The following CACNA1A variants were observed in gnomAD, a reference collection of about 807,000 sequenced individuals.
The protein encoded by CACNA1A is calcium voltage-gated channel subunit alpha1 A.
In CACNA1A, 57 loss-of-function variants were observed where a neutral mutation model predicts 262.4. The observed-to-expected ratio is 0.22, with a 90% confidence interval of 0.18 to 0.27. The LOEUF is 0.27. Ranked by LOEUF, CACNA1A falls within the 10% of genes least tolerant of loss-of-function variation. The probability of loss-of-function intolerance (pLI) is 1.00; values close to 1 mark genes in which losing one functional copy is unlikely to be tolerated. For synonymous variants in CACNA1A, 1,431 were observed against 1,419.3 expected, an observed-to-expected ratio of 1.01 and a Z score of -0.18; for missense variants, 2,526 against 3,562.8, an observed-to-expected ratio of 0.71 and a Z score of 7.41.
chr19:13,235,694 G>A lies in CACNA1A; in HGVS notation c.4987C>T (p.Arg1663Ter), dbSNP rs1555738369. ...AGAAGTTTGATGAGCCGGGCAGCTC[G>A]GAAGAGGCGGAGAAAGCTCAGGTTG... ...FINLSFLRLF[R>*]AARLIKLLRQ... Residue 1663 changes from arginine (R) to a stop codon, truncating the protein, a stop_gained, in exon 32 of 47, where the codon CGA becomes TGA. Coordinates refer to ENST00000360228, the MANE Select transcript of CACNA1A (RefSeq NM_001127222.2). LOFTEE classifies it high-confidence loss of function. 1.2e-6 allele frequency: 2 copies of A among 1,613,872 alleles called. No homozygotes were observed. The highest frequency in any genetic ancestry group is 1.7e-6 in the Non-Finnish European group (2 of 1,179,834).
chr19:13,422,716 C>T (rs1210472069), intron 3 of CACNA1A, among the ~76,000 whole-genome samples: 1 of 152,200 alleles, frequency 6.6e-6, no homozygotes, highest in Non-Finnish European at 1.5e-5. Context: ...CAGTTAAAGT[C>T]AGTCACATGG....
intron 1 of CACNA1A, among the ~76,000 whole-genome samples, chr19:13,461,449 C>A (rs961685482): frequency 1.3e-5 from 2 of 152,326 alleles, no homozygotes; most frequent in South Asian, 2.1e-4. Context: ...CCGACTTCAT[C>A]TCAAGCCAAG....
Position 13,312,699 on chromosome 19 carries a change from G to C in CACNA1A, c.1638C>G (p.Phe546Leu), listed in dbSNP as rs1190328924. The part of the protein sequence containing the change: ...KMYGLGTRPY[F>L]HSSFNCFDCG... Reference sequence around the variant, plus strand: ...AGTCAAAGCAGTTGAAGGAAGAGTGGAAGTAAGGCCGCGTCCCAAGCCCGT... The same window carrying C: ...AGTCAAAGCAGTTGAAGGAAGAGTGCAAGTAAGGCCGCGTCCCAAGCCCGT... The change falls in exon 12 of 47, where the codon TTC (phenylalanine) becomes TTG (leucine). Residue 546 changes from phenylalanine to leucine, a missense_variant. Physicochemically the swap from Phe to Leu is conservative, Grantham distance 22 (BLOSUM62 0). Coordinates refer to ENST00000360228, the MANE Select transcript of CACNA1A (RefSeq NM_001127222.2). 1 of 1,593,268 alleles carries C rather than the reference G, an allele frequency of 6.3e-7. No individual in the cohort carries two copies. The highest frequency in any genetic ancestry group is 8.5e-7 in the Non-Finnish European group (1 of 1,172,164).
At chr19:13,248,409 CAAAAAAAA>C (rs61481896) in intron 30 of CACNA1A, among the ~76,000 whole-genome samples, 211 of 58,838 alleles carry the variant, frequency 3.6e-3, no homozygotes, top group African/African-American at 0.012. Flanking sequence ...GATCCCATCT[CAAAAAAAA>C]AAAAAAAAAA....
chr19:13,295,322 T>C (rs968641243), intron 19 of CACNA1A, among the ~76,000 whole-genome samples: 3 of 152,204 alleles, frequency 2.0e-5, no homozygotes, highest in South Asian at 2.1e-4. Flanking sequence ...ACTTAGAGAA[T>C]GGTAGGCAGT....
At chr19:13,351,168 G>A (rs977701173) in intron 6 of CACNA1A, among the ~76,000 whole-genome samples, 42 of 151,768 alleles carry the variant, frequency 2.8e-4, no homozygotes, top group Non-Finnish European at 4.4e-4. Context: ...TCTATTCTTC[G>A]GAAATGAGTC....
intron 30 of CACNA1A, among the ~76,000 whole-genome samples, chr19:13,246,521 T>G (rs62111969): frequency 0.2 from 30,780 of 152,156 alleles, 4,095 homozygotes; most frequent in Non-Finnish European, 0.3. Flanking sequence ...TTTAAGTCAC[T>G]GAGATGTGGG....
At chr19:13,291,633 T>TAA (rs3981952) in intron 19 of CACNA1A, among the ~76,000 whole-genome samples, 3,223 of 97,284 alleles carry the variant, frequency 0.033, 127 homozygotes, top group African/African-American at 0.093. Flanking sequence ...ACCCCATCTC[T>TAA]AAAAAAAAAA....
chr19:13,374,799 G>A (rs2059378345), intron 3 of CACNA1A, among the ~76,000 whole-genome samples: 1 of 152,094 alleles, frequency 6.6e-6, no homozygotes, highest in Non-Finnish European at 1.5e-5. Flanking sequence ...CTCTGTGTGG[G>A]GGAGACTGAG....
chr19:13,479,253 C>A (rs887318954), intron 1 of CACNA1A, among the ~76,000 whole-genome samples: 1 of 152,098 alleles, frequency 6.6e-6, no homozygotes, highest in African/African-American at 2.4e-5. Context: ...AGATAGCAGA[C>A]AGATGAGTAA....
At chr19:13,385,232 T>C (rs944431504) in intron 3 of CACNA1A, among the ~76,000 whole-genome samples, 8 of 146,912 alleles carry the variant, frequency 5.4e-5, no homozygotes, top group Admixed American at 2.0e-4. Context: ...CTTTCTTTCT[T>C]TTTTTTTTTT....
intron 9 of CACNA1A, 72 bp from the exon 10 acceptor site, chr19:13,330,405 G>A (rs1410274333): frequency 1.8e-5 from 19 of 1,083,414 alleles, no homozygotes; most frequent in Non-Finnish European, 2.3e-5. Flanking sequence ...TGGACACAGT[G>A]TGTCCTTGGA....
rs2057951544 is a variant in CACNA1A, at chr19:13,308,364, T to C, written c.1781+52A>G. On this transcript the variant is annotated intron_variant, in intron 13 of 46. Transcript: ENST00000360228. The surrounding 1 kb of genome is among the most constrained non-coding windows in gnomAD (Gnocchi z 4.2). The stretch of plus-strand genomic sequence containing the variant: ...CAACTTTCTGGAGGCGGCCCCACCA[T>C]GTCCCCCATCCCCACCCCCTGTACA... 7.2e-7 allele frequency: 1 copy of C among 1,383,620 alleles called. No homozygotes were observed. Among genetic ancestry groups the C allele is most frequent in the Non-Finnish European group, 1.0e-6 (1 of 997,558 alleles). 85.7% of individuals were successfully genotyped at this position (1,383,620 alleles called of 1,614,324 possible). A position where few individuals can be genotyped will look rare whatever the true frequency, so the allele number is the denominator to read the frequency against.
chr19:13,249,587 T>C (rs2056341586), intron 30 of CACNA1A, among the ~76,000 whole-genome samples: 1 of 152,108 alleles, frequency 6.6e-6, no homozygotes, highest in African/African-American at 2.4e-5. Flanking sequence ...ACTCCTGGGC[T>C]CAAGCGATCC....
intron 24 of CACNA1A, chr19:13,275,497 CA>C (rs1217876308): frequency 1.6e-5 from 5 of 303,154 alleles, no homozygotes; most frequent in Admixed American, 8.1e-5. Flanking sequence ...AGGGACTTTC[CA>C]AAGAGACAGC....
At chr19:13,291,231 G>A (rs1300808270) in intron 19 of CACNA1A, among the ~76,000 whole-genome samples, 3 of 152,068 alleles carry the variant, frequency 2.0e-5, no homozygotes, top group Non-Finnish European at 2.9e-5. Flanking sequence ...AGAGGGCTGT[G>A]GACACCTTGC....
chr19:13,298,962 G>A lies in CACNA1A; in HGVS notation c.2671C>T (p.Leu891=), dbSNP rs1205064338. The change falls in exon 19 of 47, where the codon CTG becomes TTG. Residue 891 remains leucine, a synonymous_variant. Transcript: ENST00000360228. The stretch of plus-strand genomic sequence containing the variant: ...CGGCCGTAGGGTCCCTCCCGGCTCA[G>A]CTCGGCCTCCTGGCTTCCCGCCCAG... ...RPWAGSQEAE[L]SREGPYGRES... 4 of 1,587,350 alleles carry A rather than the reference G, an allele frequency of 2.5e-6. No individual in the cohort carries two copies. The highest frequency in any genetic ancestry group is 2.7e-5 in the African/African-American group (2 of 74,700).
At chr19:13,493,512 C>CAAA (rs1981148596) in intron 1 of CACNA1A, among the ~76,000 whole-genome samples, 2 of 152,258 alleles carry the variant, frequency 1.3e-5, no homozygotes, top group African/African-American at 4.8e-5. Context: ...GCTCCCAGTT[C>CAAA]AAAAGCACTG....
At chr19:13,425,876 T>C (rs2060394198) in intron 3 of CACNA1A, among the ~76,000 whole-genome samples, 1 of 151,984 alleles carries the variant, frequency 6.6e-6, no homozygotes, top group South Asian at 2.1e-4. Flanking sequence ...GCCAACGTGG[T>C]GAAACCCTGC....
Sources: gnomAD v4.1 joint callset for allele counts (sites outside exome capture counted in the v4.1 genomes callset) on GRCh38, gnomAD v4.1.1 for gene constraint, Gnocchi (gnomAD v3.1) non-coding constraint, MANE v1.5 for transcripts, NCBI Gene and HGNC (gene_info 2026-07-23, HGNC 2026-07-21) for gene names.